The following SYNE3 variants were observed in gnomAD, a reference collection of about 807,000 sequenced individuals.
The protein encoded by SYNE3 is nesprin-3.
In SYNE3, 100 loss-of-function variants were observed where a neutral mutation model predicts 111.2. The ratio of observed to expected loss-of-function variants is 0.90; its 90% CI spans 0.77 to 1.06. The LOEUF is 1.06. SYNE3 is among the 50% of genes least tolerant of loss of function. SYNE3 has a pLI of 0.00. For missense variants in SYNE3, 1,160 were observed against 1,240.3 expected (o/e 0.94, Z 0.97); for synonymous variants, 547 against 533.9 (o/e 1.02, Z -0.34).
At chr14:95,455,944 C>T (rs1887413096) in intron 5 of SYNE3, 2 of 516,792 alleles carry the variant, frequency 3.9e-6, no homozygotes, top group Admixed American at 6.6e-5. Flanking sequence ...TTTTTCAAGC[C>T]ATTTGATTAA....
chr14:95,452,137 T>G, intron 7 of SYNE3, 110 bp downstream of exon 7: 1 of 1,289,534 alleles, frequency 7.8e-7, no homozygotes, highest in Non-Finnish European at 1.0e-6. Context: ...GTACAAAGAA[T>G]GATTTAGAAG....
intron 9 of SYNE3, among the ~76,000 whole-genome samples, chr14:95,445,128 T>C (rs564749286): frequency 1.2e-4 from 18 of 152,226 alleles, no homozygotes; most frequent in African/African-American, 4.1e-4. Flanking sequence ...AAGCTGTGAG[T>C]GTTTGAGGGT....
intron 1 of SYNE3, among the ~76,000 whole-genome samples, chr14:95,481,547 CT>C (rs1464513421): frequency 6.6e-6 from 1 of 152,200 alleles, no homozygotes; most frequent in African/African-American, 2.4e-5. Context: ...GATACATCTG[CT>C]GCAGGAGACA....
chr14:95,478,712 G>A (rs968910920), intron 1 of SYNE3, among the ~76,000 whole-genome samples: 12 of 152,150 alleles, frequency 7.9e-5, no homozygotes. Flanking sequence ...TAGCTGTCTC[G>A]GGCCACATAC....
At chr14:95,488,553 C>T (rs756392950) in intron 1 of SYNE3, among the ~76,000 whole-genome samples, 4 of 151,824 alleles carry the variant, frequency 2.6e-5, no homozygotes, top group Non-Finnish European at 4.4e-5. Context: ...CAAGGCCAGG[C>T]GTGGTGGCTC....
At chr14:95,505,006 G>A (rs149360411) in intron 1 of SYNE3, among the ~76,000 whole-genome samples, 254 of 152,312 alleles carry the variant, frequency 1.7e-3, no homozygotes, top group African/African-American at 6.0e-3. Context: ...TCCCTTCTGG[G>A]GAGCTTAAGA....
chr14:95,431,525 T>C (rs569647019), intron 17 of SYNE3, among the ~76,000 whole-genome samples: 5 of 152,336 alleles, frequency 3.3e-5, no homozygotes, highest in African/African-American at 9.6e-5. Flanking sequence ...TCGTTATTAC[T>C]GCTGTTATTG....
intron 1 of SYNE3, among the ~76,000 whole-genome samples, chr14:95,504,284 G>A (rs571823954): frequency 7.5e-6 from 1 of 133,184 alleles, no homozygotes; most frequent in East Asian, 2.0e-4. Context: ...TACCACAAAA[G>A]TTTGTTCTAG....
intron 4 of SYNE3, among the ~76,000 whole-genome samples, chr14:95,461,920 C>G (rs1415709715): frequency 1.3e-5 from 2 of 152,214 alleles, no homozygotes; most frequent in Non-Finnish European, 2.9e-5. Flanking sequence ...GAATCTTCCC[C>G]CTTTGTCTGG....
At chr14:95,492,578 A>G (rs912224297) in intron 1 of SYNE3, among the ~76,000 whole-genome samples, 5 of 152,222 alleles carry the variant, frequency 3.3e-5, no homozygotes, top group African/African-American at 9.6e-5. Context: ...TTACAGAGGC[A>G]GAAAGTAGAT....
rs539908359 is a variant in SYNE3 at position 95,424,251 on chromosome 14, C to T, written c.2728-6225G>A. On this transcript the variant is annotated intron_variant, in intron 17 of 17. Coordinates refer to ENST00000682763, the MANE Select transcript of SYNE3 (RefSeq NM_152592.6). ...GCCAAGGAGAAAATGACCCAAGAGA[C>T]AGTGCATAAACCAGAGGCCTGGAAG... Among the ~76,000 whole-genome samples the T allele has an allele frequency of 3.9e-5, 6 of 152,016 alleles. No homozygotes were observed. The South Asian group carries it at 8.3e-4, about 21-fold the overall frequency.
chr14:95,418,726 C>T (rs1474226057), intron 17 of SYNE3, among the ~76,000 whole-genome samples: 1 of 152,140 alleles, frequency 6.6e-6, no homozygotes, highest in Non-Finnish European at 1.5e-5. Context: ...CCTCAGCCTC[C>T]CGGGTAGCTG....
chr14:95,512,806 C>T (rs981303151), intron 1 of SYNE3, among the ~76,000 whole-genome samples: 2 of 148,534 alleles, frequency 1.3e-5, no homozygotes, highest in African/African-American at 2.5e-5. Flanking sequence ...TGCAGTGATC[C>T]GAGATCAGGC....
At chr14:95,498,641 T>C (rs912283678) in intron 1 of SYNE3, among the ~76,000 whole-genome samples, 1 of 152,270 alleles carries the variant, frequency 6.6e-6, no homozygotes, top group African/African-American at 2.4e-5. Flanking sequence ...AGAATAGGAC[T>C]GCATCTGTCT....
intron 1 of SYNE3, among the ~76,000 whole-genome samples, chr14:95,498,099 A>G (rs1456245568): frequency 1.3e-5 from 2 of 152,030 alleles, no homozygotes; most frequent in Non-Finnish European, 2.9e-5. Context: ...TAAGATTTCA[A>G]TTTCCTTAAA....
At chr14:95,431,929 G>T in intron 17 of SYNE3, 150 bp downstream of exon 17, 2 of 920,764 alleles carry the variant, frequency 2.2e-6, no homozygotes, top group Non-Finnish European at 3.2e-6. Flanking sequence ...GCCCAGCACA[G>T]CGCAGCCCAG....
At chr14:95,457,943 G>A (rs747991276) in intron 4 of SYNE3, among the ~76,000 whole-genome samples, 2 of 152,186 alleles carry the variant, frequency 1.3e-5, no homozygotes, top group African/African-American at 2.4e-5. Context: ...CACAGGGTAT[G>A]CAAATCAATG....
intron 15 of SYNE3, 87 bp from the exon 16 acceptor site, chr14:95,433,496 A>T: frequency 3.9e-6 from 6 of 1,545,734 alleles, no homozygotes; most frequent in Non-Finnish European, 5.3e-6. Context: ...ATCAAATTTC[A>T]CTTGACAGAC....
At chr14:95,438,790 G>GTA in intron 14 of SYNE3, 5 of 476,308 alleles carry the variant, frequency 1.0e-5, no homozygotes, top group Admixed American at 3.2e-5. Flanking sequence ...ACTGGCTAAG[G>GTA]GATACCCCTA....
Sources: allele counts gnomAD v4.1 joint callset (sites outside exome capture counted in the v4.1 genomes callset), GRCh38; gene constraint gnomAD v4.1.1; transcripts MANE v1.5; gene names NCBI Gene and HGNC (gene_info 2026-07-23, HGNC 2026-07-21).